CNTNAP4: variants seen among roughly 807,000 people sequenced by gnomAD.
CNTNAP4 encodes the protein contactin-associated protein-like 4.
Under a neutral mutation model 148.4 loss-of-function variants are expected in CNTNAP4, and 98 were observed. That is an observed-to-expected ratio of 0.66 (90% CI 0.56 to 0.78). The LOEUF (loss-of-function observed/expected upper bound fraction) is 0.78. CNTNAP4 is among the 30% of genes least tolerant of loss of function. The probability of loss-of-function intolerance (pLI) is 0.00; values close to 1 mark genes in which losing one functional copy is unlikely to be tolerated. For missense variants in CNTNAP4, 1,935 were observed against 1,565.6 expected, an observed-to-expected ratio of 1.24 and a Z score of -3.98; for synonymous variants, 730 against 565.1, an observed-to-expected ratio of 1.29 and a Z score of -4.14.
chr16:76,426,048 C>T (rs1597495802), intron 3 of CNTNAP4, among the ~76,000 whole-genome samples: 1 of 152,022 alleles, frequency 6.6e-6, no homozygotes, highest in Non-Finnish European at 1.5e-5. Flanking sequence ...TAAAGAGATG[C>T]CCCGATTTTG....
intron 3 of CNTNAP4, among the ~76,000 whole-genome samples, chr16:76,391,739 T>C (rs1261142478): frequency 6.6e-6 from 1 of 152,170 alleles, no homozygotes; most frequent in Non-Finnish European, 1.5e-5. Flanking sequence ...CACAATTCTA[T>C]AGCTTTGCTA....
chr16:76,362,398 A>T (rs2013547309), intron 3 of CNTNAP4, among the ~76,000 whole-genome samples: 1 of 152,190 alleles, frequency 6.6e-6, no homozygotes, highest in Non-Finnish European at 1.5e-5. Context: ...AAATAGAAAA[A>T]ATATCCTAAG....
rs1793403500 is a variant in CNTNAP4, at chr16:76,306,677, C to A, written c.86-9736C>A. Among the ~76,000 whole-genome samples, 3 of 152,154 alleles carry A rather than the reference C, an allele frequency of 2.0e-5. No homozygotes were observed. The South Asian group carries it at 6.2e-4, about 32-fold the overall frequency. ...TCCACAATTCCAAATCAATTTATCA[C>A]ACTGACTAATTTTCGAGGTGGTGCA... On this transcript the variant is annotated intron_variant, in intron 1 of 23. Coordinates refer to ENST00000611870, the MANE Select transcript of CNTNAP4 (RefSeq NM_033401.5).
At chr16:76,501,901 C>G (rs977765856) in intron 15 of CNTNAP4, among the ~76,000 whole-genome samples, 17 of 152,138 alleles carry the variant, frequency 1.1e-4, no homozygotes, top group African/African-American at 4.1e-4. Flanking sequence ...AACCCCGTCT[C>G]TACTAAAAAT....
At chr16:76,344,208 A>G (rs1964722467) in intron 2 of CNTNAP4, among the ~76,000 whole-genome samples, 1 of 152,024 alleles carries the variant, frequency 6.6e-6, no homozygotes, top group Admixed American at 6.6e-5. Context: ...ACATATATAT[A>G]TATATATTTG....
chr16:76,278,399 G>A (rs1221086519), intron 1 of CNTNAP4, among the ~76,000 whole-genome samples: 1 of 152,176 alleles, frequency 6.6e-6, no homozygotes, highest in Admixed American at 6.5e-5. Context: ...TCTTTCAAAA[G>A]TAGGATTCCT....
At chr16:76,348,035 C>G (rs928239725) in intron 2 of CNTNAP4, among the ~76,000 whole-genome samples, 2 of 151,996 alleles carry the variant, frequency 1.3e-5, no homozygotes, top group Non-Finnish European at 2.9e-5. Flanking sequence ...GTGACTGTTG[C>G]AAGAATCCAG....
chr16:76,346,516 G>C (rs543867211), intron 2 of CNTNAP4, among the ~76,000 whole-genome samples: 1 of 151,832 alleles, frequency 6.6e-6, no homozygotes, highest in African/African-American at 2.4e-5. Context: ...TCTCTCCGAT[G>C]CATGATGTCA....
At chr16:76,503,323 C>G (rs1177559069) in intron 15 of CNTNAP4, among the ~76,000 whole-genome samples, 2 of 152,022 alleles carry the variant, frequency 1.3e-5, no homozygotes, top group South Asian at 4.2e-4. Context: ...GTTAATCAAC[C>G]TGATTTTAAT....
chr16:76,309,423 C>G (rs1960850557), intron 1 of CNTNAP4, among the ~76,000 whole-genome samples: 1 of 152,004 alleles, frequency 6.6e-6, no homozygotes, highest in Admixed American at 6.6e-5. Flanking sequence ...GGGGCAGGCT[C>G]AGGTATGCCC....
intron 2 of CNTNAP4, among the ~76,000 whole-genome samples, chr16:76,318,732 TTTTA>T (rs932324754): frequency 6.8e-6 from 1 of 147,602 alleles, no homozygotes; most frequent in Non-Finnish European, 1.5e-5. Flanking sequence ...AATTAATTAT[TTTTA>T]TTAATAATAA....
intron 21 of CNTNAP4, among the ~76,000 whole-genome samples, chr16:76,542,922 A>C (rs1026724776): frequency 5.3e-5 from 8 of 152,214 alleles, no homozygotes; most frequent in Non-Finnish European, 1.0e-4. Flanking sequence ...AAATATATTC[A>C]ACATATTATA....
At chr16:76,498,811 A>AT (rs956066270) in intron 15 of CNTNAP4, 117 bp downstream of exon 15, 118 of 1,070,896 alleles carry the variant, frequency 1.1e-4, no homozygotes, top group African/African-American at 3.6e-4. Flanking sequence ...TATTGTGAAC[A>AT]TTTTTTTTGT....
intron 1 of CNTNAP4, among the ~76,000 whole-genome samples, chr16:76,289,783 C>G (rs75716357): frequency 0.021 from 3,243 of 152,100 alleles, 109 homozygotes; most frequent in African/African-American, 0.075. Flanking sequence ...GTTGGTCAAG[C>G]TGGTCTTGAA....
At chr16:76,542,842 A>G (rs2084523412) in intron 21 of CNTNAP4, among the ~76,000 whole-genome samples, 1 of 152,214 alleles carries the variant, frequency 6.6e-6, no homozygotes, top group Non-Finnish European at 1.5e-5. Flanking sequence ...ATAAGCTGAT[A>G]CTATGTCAAG....
chr16:76,495,240 G>T, intron 14 of CNTNAP4, 174 bp downstream of exon 14: 2 of 540,044 alleles, frequency 3.7e-6, no homozygotes, highest in Non-Finnish European at 3.1e-6. Flanking sequence ...TTAAGTCAAT[G>T]CCTTTTTGAG....
At chr16:76,347,779 A>T (rs1437643155) in intron 2 of CNTNAP4, among the ~76,000 whole-genome samples, 1 of 152,094 alleles carries the variant, frequency 6.6e-6, no homozygotes, top group Non-Finnish European at 1.5e-5. Flanking sequence ...CAAGGAGGCC[A>T]TTGTAAATGG....
intron 17 of CNTNAP4, 61 bp downstream of exon 17, chr16:76,522,318 A>G: frequency 7.5e-7 from 1 of 1,338,302 alleles, no homozygotes; most frequent in Non-Finnish European, 1.1e-6. Context: ...ATGGCCCAAG[A>G]TAAAATAATA....
At chr16:76,401,589 G>C (rs767949854) in intron 3 of CNTNAP4, among the ~76,000 whole-genome samples, 3 of 152,126 alleles carry the variant, frequency 2.0e-5, no homozygotes, top group African/African-American at 7.2e-5. Flanking sequence ...TGTTGAACGA[G>C]AGTGGTGAGA....
Sources: allele counts gnomAD v4.1 joint callset (sites outside exome capture counted in the v4.1 genomes callset), GRCh38; gene constraint gnomAD v4.1.1; transcripts MANE v1.5; gene names NCBI Gene and HGNC (gene_info 2026-07-23, HGNC 2026-07-21).